TMEM132D: variants seen among roughly 807,000 people sequenced by gnomAD.
The protein encoded by TMEM132D is mature OL transmembrane protein.
In TMEM132D, 21 loss-of-function variants were observed where a neutral mutation model predicts 62.3. The observed-to-expected ratio is 0.34, with a 90% CI of 0.24 to 0.49. The LOEUF (loss-of-function observed/expected upper bound fraction) is 0.49. Ranked by LOEUF, TMEM132D falls within the 20% of genes least tolerant of loss-of-function variation. TMEM132D has a pLI of 0.99. For missense variants in TMEM132D, 1,346 were observed against 1,402.8 expected, an observed-to-expected ratio of 0.96 and a Z score of 0.65; for synonymous variants, 621 against 575.6, an observed-to-expected ratio of 1.08 and a Z score of -1.13.
Position 129,430,381 on chromosome 12 carries a change from C to G in TMEM132D, c.1116-92564G>C, listed in dbSNP as rs558564288. ...TGTCTTTTGGCTGCATAAATGTCTTCTTTTGAGAAGTGTCTGTTCATATCC... is the reference window on the plus strand; with the variant it reads ...TGTCTTTTGGCTGCATAAATGTCTTGTTTTGAGAAGTGTCTGTTCATATCC... On this transcript the variant is annotated intron_variant, in intron 3 of 8. Transcript: ENST00000422113. Among the ~76,000 whole-genome samples, 86 of 152,276 alleles carry G rather than the reference C, an allele frequency of 5.6e-4. 1 individual carries two copies. Among genetic ancestry groups the G allele is most frequent in the Non-Finnish European group, 1.1e-3 (73 of 68,018 alleles).
intron 3 of TMEM132D, among the ~76,000 whole-genome samples, chr12:129,451,470 T>TGA (rs1873285376): frequency 6.6e-6 from 1 of 152,122 alleles, no homozygotes; most frequent in African/African-American, 2.4e-5. Flanking sequence ...TATAGAGAAG[T>TGA]TTGGGTAGCA....
At chr12:129,404,268 G>A (rs781554246) in intron 3 of TMEM132D, among the ~76,000 whole-genome samples, 30 of 151,762 alleles carry the variant, frequency 2.0e-4, no homozygotes, top group South Asian at 6.3e-4. Context: ...GTACGATCTC[G>A]GCTCACTGCA....
intron 3 of TMEM132D, among the ~76,000 whole-genome samples, chr12:129,438,995 C>T (rs374927845): frequency 2.2e-4 from 33 of 152,104 alleles, no homozygotes; most frequent in African/African-American, 6.0e-4. Flanking sequence ...CTCTGCTGTC[C>T]GTGATCTTCT....
chr12:129,870,514 C>A (rs1230602632), intron 1 of TMEM132D, among the ~76,000 whole-genome samples: 2 of 152,218 alleles, frequency 1.3e-5, no homozygotes, highest in Non-Finnish European at 2.9e-5. Context: ...ATGTGTTGAG[C>A]ATGATGCCCT....
chr12:129,718,557 GC>G (rs1348803290), intron 1 of TMEM132D, among the ~76,000 whole-genome samples: 4 of 152,168 alleles, frequency 2.6e-5, no homozygotes, highest in African/African-American at 9.7e-5. Flanking sequence ...ACTTATGAAG[GC>G]CTTTTATGGA....
intron 3 of TMEM132D, among the ~76,000 whole-genome samples, chr12:129,362,965 G>A (rs1459930863): frequency 1.3e-5 from 2 of 152,296 alleles, no homozygotes; most frequent in African/African-American, 4.8e-5. Flanking sequence ...GCATTTCCCA[G>A]TTGACTTAGT....
At chr12:129,741,067 C>T (rs1360188500) in intron 1 of TMEM132D, among the ~76,000 whole-genome samples, 2 of 152,220 alleles carry the variant, frequency 1.3e-5, no homozygotes, top group Non-Finnish European at 2.9e-5. Context: ...GGAATTTCTA[C>T]ATTGACTTTG....
intron 2 of TMEM132D, among the ~76,000 whole-genome samples, chr12:129,696,267 TCTC>T (rs913689888): frequency 1.3e-5 from 2 of 152,342 alleles, no homozygotes; most frequent in African/African-American, 4.8e-5. Context: ...TGCAAGAGTA[TCTC>T]CTTAGTAATG....
intron 3 of TMEM132D, among the ~76,000 whole-genome samples, chr12:129,468,939 C>A (rs1056910574): frequency 6.6e-6 from 1 of 152,206 alleles, no homozygotes; most frequent in Admixed American, 6.5e-5. Context: ...TTTCATATGG[C>A]ATTCTCTGAA....
chr12:129,090,429 G>T (rs956912302), intron 5 of TMEM132D, among the ~76,000 whole-genome samples: 1 of 152,154 alleles, frequency 6.6e-6, no homozygotes, highest in Non-Finnish European at 1.5e-5. Flanking sequence ...ACTTGGGGAG[G>T]CCAAGGAGGA....
chr12:129,095,691 A>C (rs1390502798), intron 5 of TMEM132D, among the ~76,000 whole-genome samples: 2 of 152,102 alleles, frequency 1.3e-5, no homozygotes, highest in Non-Finnish European at 2.9e-5. Flanking sequence ...GCATCAGGGC[A>C]CACAGGGTAG....
chr12:129,774,753 G>C (rs1593156913), intron 1 of TMEM132D, among the ~76,000 whole-genome samples: 1 of 152,324 alleles, frequency 6.6e-6, no homozygotes, highest in Middle Eastern at 3.4e-3. Flanking sequence ...AGACTGCAAA[G>C]GATTAGGCAA....
intron 1 of TMEM132D, among the ~76,000 whole-genome samples, chr12:129,841,849 A>G (rs984244943): frequency 1.3e-5 from 2 of 151,750 alleles, no homozygotes; most frequent in African/African-American, 4.8e-5. Context: ...ATATATAAGA[A>G]AATTAAGTAA....
At chr12:129,646,323 T>C (rs1007699489) in intron 2 of TMEM132D, among the ~76,000 whole-genome samples, 4 of 152,178 alleles carry the variant, frequency 2.6e-5, no homozygotes, top group African/African-American at 9.7e-5. Context: ...ATGCAGTATG[T>C]CCAAGAGGAT....
intron 4 of TMEM132D, among the ~76,000 whole-genome samples, chr12:129,329,823 T>C (rs1409759373): frequency 6.6e-6 from 1 of 152,092 alleles, no homozygotes; most frequent in Non-Finnish European, 1.5e-5. Flanking sequence ...ACCAGGAGAA[T>C]ACGTGTGCCA....
chr12:129,868,878 A>T (rs1295640408), intron 1 of TMEM132D, among the ~76,000 whole-genome samples: 1 of 152,094 alleles, frequency 6.6e-6, no homozygotes, highest in African/African-American at 2.4e-5. Context: ...CAGGCAGGGA[A>T]CAGGGCAAGA....
chr12:129,296,465 A>G (rs1307430916), intron 4 of TMEM132D, among the ~76,000 whole-genome samples: 1 of 152,182 alleles, frequency 6.6e-6, no homozygotes, highest in Non-Finnish European at 1.5e-5. Context: ...CAAATAGGAG[A>G]ATACTTTGTG....
At chr12:129,226,885 G>C (rs1160212677) in intron 4 of TMEM132D, among the ~76,000 whole-genome samples, 1 of 152,136 alleles carries the variant, frequency 6.6e-6, no homozygotes, top group Non-Finnish European at 1.5e-5. Flanking sequence ...CACAACCCCT[G>C]CTGTCTGGGA....
chr12:129,393,783 T>A (rs1428047023), intron 3 of TMEM132D, among the ~76,000 whole-genome samples: 1 of 152,086 alleles, frequency 6.6e-6, no homozygotes, highest in Non-Finnish European at 1.5e-5. Context: ...GCAGGTAATA[T>A]TCATCACTCA....
Sources: allele counts gnomAD v4.1 joint callset (sites outside exome capture counted in the v4.1 genomes callset), GRCh38; gene constraint gnomAD v4.1.1; transcripts MANE v1.5; gene names NCBI Gene and HGNC (gene_info 2026-07-23, HGNC 2026-07-21).